The following RIMS2 variants were observed in gnomAD, a reference collection of about 807,000 sequenced individuals.
The protein encoded by RIMS2 is regulating synaptic membrane exocytosis protein 2.
RIMS2 carries 59 observed loss-of-function variants against 174.4 expected under a neutral mutation model. The observed-to-expected ratio is 0.34, with a 90% CI of 0.27 to 0.42. The LOEUF is 0.42. Among genes scored for constraint, RIMS2 ranks in the 10% least tolerant of loss-of-function variants. The pLI is 1.00. For synonymous variants in RIMS2, 606 were observed against 572.5 expected (o/e 1.06, Z -0.84); for missense variants, 1,620 against 1,666.3 (o/e 0.97, Z 0.48).
rs527592266 is a variant in RIMS2, at chr8:103,616,463, G to A, written c.177-80623G>A. On this transcript the variant is annotated intron_variant, in intron 1 of 23. Coordinates refer to ENST00000504942, the Ensembl canonical transcript of RIMS2. ...CATTCCCCTTGAAGACTGACACAAG[G>A]CAAGAATGCCCTCTCTCACCACTTC... Among the ~76,000 whole-genome samples the A allele has an allele frequency of 6.6e-5, 10 of 152,236 alleles. No individual in the cohort carries two copies. In the East Asian group the frequency reaches 1.9e-3, roughly 29 times the overall value.
At chr8:104,251,677 C>T (rs781423431) in exon 24 of RIMS2, 6 of 1,608,590 alleles carry the variant, frequency 3.7e-6, no homozygotes, top group Non-Finnish European at 4.3e-6. Flanking sequence ...TTTAGATGAA[C>T]TAGAGCTATC....
chr8:103,766,035 T>A (rs1448734624), intron 2 of RIMS2, among the ~76,000 whole-genome samples, 192 bp from the exon 6 acceptor site: 1 of 152,174 alleles, frequency 6.6e-6, no homozygotes, highest in Non-Finnish European at 1.5e-5. Context: ...TATTGACTAT[T>A]TCATTAGAAT....
intron 19 of RIMS2, among the ~76,000 whole-genome samples, chr8:104,058,752 G>GT (rs1555185397): frequency 6.6e-6 from 1 of 152,118 alleles, no homozygotes; most frequent in Non-Finnish European, 1.5e-5. Context: ...TGTATAAGGC[G>GT]TAAGGAAGGG....
At chr8:103,658,023 C>T (rs756519722) in intron 1 of RIMS2, among the ~76,000 whole-genome samples, 2 of 152,120 alleles carry the variant, frequency 1.3e-5, no homozygotes, top group African/African-American at 2.4e-5. Context: ...ACTCCGATAC[C>T]GTAGTTGCTT....
At chr8:103,976,949 A>G (rs1445177770) in intron 16 of RIMS2, 1 of 152,236 alleles carries the variant, frequency 6.6e-6, no homozygotes, top group East Asian at 1.9e-4. Context: ...GCTTAATGGA[A>G]TAAGAATCAC....
At chr8:103,786,232 C>G (rs1001409352) in intron 3 of RIMS2, among the ~76,000 whole-genome samples, 1 of 152,126 alleles carries the variant, frequency 6.6e-6, no homozygotes, top group Non-Finnish European at 1.5e-5. Context: ...CTCCTGGATT[C>G]ATTAATTTTT....
At chr8:103,788,150 G>A (rs1266232808) in intron 3 of RIMS2, among the ~76,000 whole-genome samples, 1 of 149,028 alleles carries the variant, frequency 6.7e-6, no homozygotes, top group Admixed American at 6.7e-5. Context: ...CTCTGTATTG[G>A]TTATTCTAGT....
At chr8:103,908,136 G>A (rs2074890641) in intron 4 of RIMS2, among the ~76,000 whole-genome samples, 1 of 151,970 alleles carries the variant, frequency 6.6e-6, no homozygotes, top group South Asian at 2.1e-4. Context: ...CCGCCTCCCA[G>A]GTTCAAGAAA....
At chr8:104,158,468 G>A (rs1028753565) in intron 19 of RIMS2, among the ~76,000 whole-genome samples, 8 of 152,112 alleles carry the variant, frequency 5.3e-5, no homozygotes, top group African/African-American at 1.4e-4. Context: ...TTGAGGAATC[G>A]CCACACTGTC....
chr8:103,974,719 C>T (rs1316930892), intron 15 of RIMS2, among the ~76,000 whole-genome samples: 1 of 152,136 alleles, frequency 6.6e-6, no homozygotes, highest in Non-Finnish European at 1.5e-5. Flanking sequence ...TGTATCTCAG[C>T]CCTGTCATAT....
At chr8:103,516,510 T>TAACA (rs1328369554) in intron 1 of RIMS2, among the ~76,000 whole-genome samples, 1 of 151,988 alleles carries the variant, frequency 6.6e-6, no homozygotes, top group Non-Finnish European at 1.5e-5. Flanking sequence ...TGGTAATTGT[T>TAACA]AACATTAAAA....
intron 1 of RIMS2, among the ~76,000 whole-genome samples, chr8:103,665,921 G>A (rs903784646): frequency 1.3e-5 from 2 of 152,060 alleles, no homozygotes; most frequent in Non-Finnish European, 2.9e-5. Context: ...CACAACTAAT[G>A]CCTCTTTTCC....
At chr8:103,986,301 A>T (rs1479753235) in intron 16 of RIMS2, among the ~76,000 whole-genome samples, 1 of 152,170 alleles carries the variant, frequency 6.6e-6, no homozygotes, top group Admixed American at 6.5e-5. Context: ...GTCCTGAAAA[A>T]ATGTGAAGGA....
chr8:103,542,812 A>G (rs1439464275), intron 1 of RIMS2, among the ~76,000 whole-genome samples: 1 of 152,192 alleles, frequency 6.6e-6, no homozygotes, highest in Non-Finnish European at 1.5e-5. Context: ...ATTTGAAAAA[A>G]CTGAGCATCC....
At chr8:103,789,864 C>G (rs1023555986) in intron 3 of RIMS2, among the ~76,000 whole-genome samples, 1 of 148,916 alleles carries the variant, frequency 6.7e-6, no homozygotes, top group African/African-American at 2.5e-5. Flanking sequence ...GCAATTCTTC[C>G]TCCTCAGCGT....
intron 2 of RIMS2, among the ~76,000 whole-genome samples, chr8:103,705,057 AG>A (rs1163994791): frequency 7.2e-5 from 11 of 151,790 alleles, no homozygotes; most frequent in Non-Finnish European, 1.6e-4. Flanking sequence ...GTTTATTTGA[AG>A]TCTTCCTACT....
chr8:103,614,723 A>C (rs1259169370), intron 1 of RIMS2, among the ~76,000 whole-genome samples: 1 of 152,248 alleles, frequency 6.6e-6, no homozygotes, highest in Admixed American at 6.5e-5. Context: ...ATCATCACAA[A>C]GGAGTATATC....
At chr8:103,838,933 C>T (rs2098922009) in intron 3 of RIMS2, among the ~76,000 whole-genome samples, 2 of 152,132 alleles carry the variant, frequency 1.3e-5, no homozygotes, top group South Asian at 2.1e-4. Flanking sequence ...GGCGTGGTGG[C>T]GGGCACCTGT....
intron 3 of RIMS2, among the ~76,000 whole-genome samples, chr8:103,875,106 A>T (rs2099129792): frequency 6.6e-6 from 1 of 152,060 alleles, no homozygotes; most frequent in African/African-American, 2.4e-5. Context: ...AGAATTATTA[A>T]AAAGAGATTA....
Sources: gnomAD v4.1 joint callset for allele counts (sites outside exome capture counted in the v4.1 genomes callset) on GRCh38, gnomAD v4.1.1 for gene constraint, MANE v1.5 for transcripts, NCBI Gene and HGNC (gene_info 2026-07-23, HGNC 2026-07-21) for gene names.